The following PLEKHA5 variants were observed in gnomAD, a reference collection of about 807,000 sequenced individuals.
PLEKHA5 encodes the protein pleckstrin homology domain-containing family A member 5.
Under a neutral mutation model 181.9 loss-of-function variants are expected in PLEKHA5, and 55 were observed. The observed-to-expected ratio is 0.30, with a 90% CI of 0.24 to 0.38. PLEKHA5 has a LOEUF of 0.38. Among genes scored for constraint, PLEKHA5 ranks in the 10% least tolerant of loss-of-function variants. The probability of loss-of-function intolerance (pLI) is 1.00; values close to 1 mark genes in which losing one functional copy is unlikely to be tolerated. For synonymous variants in PLEKHA5, 535 were observed against 529.4 expected (o/e 1.01, Z -0.15); for missense variants, 1,432 against 1,549.5 (o/e 0.92, Z 1.27).
intron 3 of PLEKHA5, among the ~76,000 whole-genome samples, chr12:19,239,221 G>A (rs767316765): frequency 1.3e-5 from 2 of 152,006 alleles, no homozygotes; most frequent in Non-Finnish European, 2.9e-5. Context: ...TCTTCACTCT[G>A]ATGATCAAAA....
intron 3 of PLEKHA5, among the ~76,000 whole-genome samples, chr12:19,142,807 C>G (rs764147468): frequency 4.1e-4 from 62 of 152,188 alleles, no homozygotes; most frequent in Non-Finnish European, 7.5e-4. Flanking sequence ...TCTGCATATT[C>G]CCATCCCCCC....
intron 3 of PLEKHA5, among the ~76,000 whole-genome samples, chr12:19,141,884 T>G (rs2037452128): frequency 1.3e-5 from 2 of 152,188 alleles, no homozygotes. Context: ...AGTGCTTGAG[T>G]AATATTGCCA....
chr12:19,190,940 G>A (rs1033579805), intron 3 of PLEKHA5, among the ~76,000 whole-genome samples: 13 of 152,198 alleles, frequency 8.5e-5, no homozygotes, highest in African/African-American at 2.9e-4. Flanking sequence ...AGTTGGAAAA[G>A]GAACATGAGC....
Position 19,283,622 on chromosome 12 carries a change from C to T in PLEKHA5, c.1656C>T (p.Ser552=). 1 of 1,614,066 alleles carries T rather than the reference C, an allele frequency of 6.2e-7. No individual in the cohort carries two copies. Among genetic ancestry groups the T allele is most frequent in the Non-Finnish European group, 8.5e-7 (1 of 1,179,932 alleles). The change falls in exon 12 of 32, where the codon TCC becomes TCT. Residue 552 remains serine (S), a synonymous_variant. Coordinates refer to ENST00000429027, the MANE Select transcript of PLEKHA5 (RefSeq NM_001256470.2). ...QTMHSIPTSP[S]HGSIAAYQGY... ...TGCACTCTATTCCCACATCACCTTC[C>T]CACGGGTCAATAGCTGCTTATCAGG...
intron 3 of PLEKHA5, among the ~76,000 whole-genome samples, chr12:19,203,290 C>A (rs1012267018): frequency 2.0e-5 from 3 of 152,056 alleles, no homozygotes; most frequent in African/African-American, 7.2e-5. Flanking sequence ...CTGTCTGTCT[C>A]TTAGAGTTGA....
At chr12:19,288,330 G>A (rs2077674426) in intron 13 of PLEKHA5, among the ~76,000 whole-genome samples, 1 of 152,172 alleles carries the variant, frequency 6.6e-6, no homozygotes, top group African/African-American at 2.4e-5. Flanking sequence ...TTCGATCAAA[G>A]CAAGTATTTA....
intron 6 of PLEKHA5, among the ~76,000 whole-genome samples, chr12:19,260,592 C>G (rs527904913): frequency 1.2e-4 from 19 of 152,252 alleles, no homozygotes; most frequent in African/African-American, 4.6e-4. Context: ...AACAGTGGCT[C>G]AAGCCTGTAA....
chr12:19,235,103 A>T (rs1565498938), intron 3 of PLEKHA5, among the ~76,000 whole-genome samples: 1 of 152,216 alleles, frequency 6.6e-6, no homozygotes, highest in Non-Finnish European at 1.5e-5. Context: ...AATGAGAAGG[A>T]TCATGAATCA....
chr12:19,214,696 T>C (rs2057610859), intron 3 of PLEKHA5, among the ~76,000 whole-genome samples: 1 of 151,998 alleles, frequency 6.6e-6, no homozygotes, highest in Admixed American at 6.6e-5. Context: ...GGATGGTGGC[T>C]TAAGGAGAGT....
chr12:19,304,419 C>T (rs2082540719), intron 15 of PLEKHA5, among the ~76,000 whole-genome samples: 1 of 152,146 alleles, frequency 6.6e-6, no homozygotes. Context: ...ATATCTTAGA[C>T]AACAAGAAAA....
Position 19,287,366 on chromosome 12 carries a change from A to T in PLEKHA5, c.1780-107A>T, listed in dbSNP as rs2077445849. The T allele has an allele frequency of 6.8e-6, 5 of 740,058 alleles. No homozygotes were observed. In the East Asian group the frequency reaches 1.2e-4, roughly 18 times the overall value. The allele number at this position is 740,058 out of a possible 1,614,324, so 45.8% of individuals were successfully genotyped here. On this transcript the variant is annotated intron_variant, in intron 12 of 31. Transcript: ENST00000429027. Reference sequence around the variant, plus strand: ...ATCATCTTTCATAAGCACTAATAGCAATTTTAAATGGTATTTCATAATAGG... The same window carrying T: ...ATCATCTTTCATAAGCACTAATAGCTATTTTAAATGGTATTTCATAATAGG...
rs977587153 is a variant in PLEKHA5, at chr12:19,238,635, C to T, written c.228-15305C>T. On this transcript the variant is annotated intron_variant, in intron 3 of 31. Transcript: ENST00000429027. The stretch of plus-strand genomic sequence containing the variant: ...TTTAAGTCTGTATTTTAAACTTAAT[C>T]GGTAAGTTACTGTGGTGATGATGAA... Among the ~76,000 whole-genome samples the T allele has an allele frequency of 2.0e-5, 3 of 152,000 alleles. No individual in the cohort carries two copies. The East Asian group carries it at 5.8e-4, about 29-fold the overall frequency.
intron 9 of PLEKHA5, 36 bp from the exon 10 acceptor site, chr12:19,270,152 C>T: frequency 7.4e-7 from 1 of 1,352,200 alleles, no homozygotes; most frequent in East Asian, 2.6e-5. Flanking sequence ...AATCCAGAAT[C>T]CTAACATTCA....
intron 15 of PLEKHA5, chr12:19,306,900 G>C (rs1235954646): frequency 6.1e-6 from 5 of 816,336 alleles, no homozygotes; most frequent in Non-Finnish European, 1.0e-5. Flanking sequence ...GCTTGTCTCT[G>C]TTGGCACCAG....
At chr12:19,197,591 C>T (rs769596360) in intron 3 of PLEKHA5, among the ~76,000 whole-genome samples, 2 of 151,682 alleles carry the variant, frequency 1.3e-5, no homozygotes, top group Non-Finnish European at 2.9e-5. Flanking sequence ...TCCCTGAAGA[C>T]AAAGATCTGT....
chr12:19,344,622 T>C (rs941461821), intron 22 of PLEKHA5, among the ~76,000 whole-genome samples: 12 of 151,904 alleles, frequency 7.9e-5, no homozygotes, highest in Non-Finnish European at 1.8e-4. Flanking sequence ...AATAAGCACA[T>C]GTTTTCCATT....
intron 3 of PLEKHA5, among the ~76,000 whole-genome samples, chr12:19,215,931 G>T (rs2057884090): frequency 6.6e-6 from 1 of 152,028 alleles, no homozygotes; most frequent in African/African-American, 2.4e-5. Flanking sequence ...TATTTTTATT[G>T]TTTTTTTCTA....
At chr12:19,191,527 C>T (rs1265956871) in intron 3 of PLEKHA5, among the ~76,000 whole-genome samples, 1 of 152,170 alleles carries the variant, frequency 6.6e-6, no homozygotes, top group Non-Finnish European at 1.5e-5. Context: ...TTTTCAACTG[C>T]TGCTGCCAAG....
At position 19,129,785 on chromosome 12, in the gene PLEKHA5, G is replaced by T; in HGVS notation, c.-15G>T. The T allele has an allele frequency of 2.5e-6, 4 of 1,584,924 alleles. No individual in the cohort carries two copies. Among genetic ancestry groups the T allele is most frequent in the Non-Finnish European group, 2.6e-6 (3 of 1,164,284 alleles). On this transcript the variant is annotated 5_prime_UTR_variant, in exon 1 of 32. Transcript: ENST00000429027. Reference sequence around the variant, plus strand: ...GGCAGCAGGAGAAGGCGGCGGCGGCGGCTAGGGATCAGACATGGCGGCGGA... The same window carrying T: ...GGCAGCAGGAGAAGGCGGCGGCGGCTGCTAGGGATCAGACATGGCGGCGGA...
Sources: allele counts gnomAD v4.1 joint callset (sites outside exome capture counted in the v4.1 genomes callset), GRCh38; gene constraint gnomAD v4.1.1; transcripts MANE v1.5; gene names NCBI Gene and HGNC (gene_info 2026-07-23, HGNC 2026-07-21).